The following LYPD6B variants were observed in gnomAD, a reference collection of about 807,000 sequenced individuals.
LYPD6B encodes the protein LY6/PLAUR domain containing 6B.
LYPD6B carries 17 observed loss-of-function variants against 22.8 expected under a neutral mutation model. That is an observed-to-expected ratio of 0.75 (90% CI 0.51 to 1.12). LYPD6B has a LOEUF of 1.12. Among genes scored for constraint, LYPD6B ranks in the 50% most tolerant of loss-of-function variants. LYPD6B has a pLI of 0.00. For missense variants in LYPD6B, 221 were observed against 258.3 expected (o/e 0.86, Z 0.99); for synonymous variants, 106 against 91.6 (o/e 1.16, Z -0.90).
chr2:149,086,497 C>G (rs1207436541), intron 1 of LYPD6B, among the ~76,000 whole-genome samples: 6 of 152,188 alleles, frequency 3.9e-5, no homozygotes, highest in Admixed American at 2.0e-4. Flanking sequence ...TGGTGCTACT[C>G]TCTCCTTCCT....
At chr2:149,084,110 A>AAAAT (rs1293927611) in intron 1 of LYPD6B, among the ~76,000 whole-genome samples, 1 of 151,972 alleles carries the variant, frequency 6.6e-6, no homozygotes, top group African/African-American at 2.4e-5. Context: ...AAAATAAAAT[A>AAAAT]AAATAAAATA....
chr2:149,159,225 C>G (rs1034752956), intron 2 of LYPD6B, among the ~76,000 whole-genome samples: 2 of 150,844 alleles, frequency 1.3e-5, no homozygotes, highest in Non-Finnish European at 2.9e-5. Flanking sequence ...ATAAAGGATC[C>G]TTTGAGGTAG....
intron 3 of LYPD6B, among the ~76,000 whole-genome samples, chr2:149,201,342 G>A (rs1693139035): frequency 6.6e-6 from 1 of 152,090 alleles, no homozygotes; most frequent in Non-Finnish European, 1.5e-5. Context: ...AACCTGAATG[G>A]CTTAATCTCA....
chr2:149,127,764 C>T (rs928287093), intron 1 of LYPD6B, among the ~76,000 whole-genome samples: 2 of 152,098 alleles, frequency 1.3e-5, no homozygotes, highest in Admixed American at 6.6e-5. Flanking sequence ...AAATGGATCT[C>T]TTATAGAATA....
At chr2:149,056,597 C>T (rs1683803815) in intron 1 of LYPD6B, among the ~76,000 whole-genome samples, 1 of 152,150 alleles carries the variant, frequency 6.6e-6, no homozygotes, top group Admixed American at 6.5e-5. Context: ...TGTTCTCTCT[C>T]ATCAGTAACT....
At chr2:149,075,049 C>T (rs902542665) in intron 1 of LYPD6B, among the ~76,000 whole-genome samples, 1 of 152,124 alleles carries the variant, frequency 6.6e-6, no homozygotes, top group Non-Finnish European at 1.5e-5. Context: ...TTAAGGACTT[C>T]GTATTTCATA....
chr2:149,117,924 G>A (rs1038701780), intron 1 of LYPD6B, among the ~76,000 whole-genome samples: 5 of 152,276 alleles, frequency 3.3e-5, no homozygotes, highest in South Asian at 4.1e-4. Context: ...TTGTAGTCAC[G>A]TCTAGGCTAG....
chr2:149,106,959 GATT>G (rs1259360996), intron 1 of LYPD6B, among the ~76,000 whole-genome samples: 1 of 151,754 alleles, frequency 6.6e-6, no homozygotes, highest in East Asian at 1.9e-4. Flanking sequence ...GCCCCCAGTG[GATT>G]CTTGAAACCA....
At chr2:149,103,523 A>G (rs1250625788) in intron 1 of LYPD6B, among the ~76,000 whole-genome samples, 1 of 152,134 alleles carries the variant, frequency 6.6e-6, no homozygotes, top group Non-Finnish European at 1.5e-5. Flanking sequence ...ACATATTTAA[A>G]GTGTACAGTT....
intron 1 of LYPD6B, among the ~76,000 whole-genome samples, chr2:149,076,445 A>G (rs911916939): frequency 1.3e-5 from 2 of 152,196 alleles, no homozygotes; most frequent in Non-Finnish European, 2.9e-5. Context: ...AACTCTAGAA[A>G]TCTATTTCCA....
At chr2:149,180,379 C>T (rs539493367) in intron 3 of LYPD6B, among the ~76,000 whole-genome samples, 3 of 152,104 alleles carry the variant, frequency 2.0e-5, no homozygotes, top group Non-Finnish European at 4.4e-5. Context: ...TTGGTAACTG[C>T]GAGAATTCCA....
At chr2:149,071,676 C>G (rs995474917) in intron 1 of LYPD6B, among the ~76,000 whole-genome samples, 1 of 152,166 alleles carries the variant, frequency 6.6e-6, no homozygotes, top group Non-Finnish European at 1.5e-5. Context: ...TGAATTAACT[C>G]ATTTAAATCC....
intron 3 of LYPD6B, among the ~76,000 whole-genome samples, chr2:149,196,497 C>T (rs559487710): frequency 2.0e-4 from 30 of 152,112 alleles, no homozygotes; most frequent in Non-Finnish European, 3.8e-4. Context: ...CAATGGTCAG[C>T]GACATGAAAC....
intron 3 of LYPD6B, among the ~76,000 whole-genome samples, chr2:149,165,987 A>G (rs1690396273): frequency 1.3e-5 from 2 of 152,160 alleles, no homozygotes; most frequent in Admixed American, 1.3e-4. Context: ...ATCCCATGGA[A>G]CACACAGTAA....
chr2:149,119,542 A>G (rs1687178543), intron 1 of LYPD6B, among the ~76,000 whole-genome samples: 1 of 152,228 alleles, frequency 6.6e-6, no homozygotes, highest in Admixed American at 6.5e-5. Context: ...CGATGAACTC[A>G]GTTGACGGTC....
rs1030339334 is a variant in LYPD6B at position 149,091,634 on chromosome 2, T to C, written c.-66-39249T>C. The stretch of plus-strand genomic sequence containing the variant: ...ATCATGATTGGCATTCTTTTTTTTT[T>C]TAAGTAGGTACAAATCTGCAAATCT... On this transcript the variant is annotated intron_variant, in intron 1 of 6. Coordinates refer to ENST00000409642, the MANE Select transcript of LYPD6B (RefSeq NM_177964.5). 6.0e-4 allele frequency among the ~76,000 whole-genome samples: 92 copies of C among 152,164 alleles called. 1 individual carries two copies. Among genetic ancestry groups the C allele is most frequent in the Non-Finnish European group, 2.2e-4 (15 of 68,020 alleles).
At chr2:149,171,411 C>T (rs1416870783) in intron 3 of LYPD6B, among the ~76,000 whole-genome samples, 1 of 151,914 alleles carries the variant, frequency 6.6e-6, no homozygotes, top group Non-Finnish European at 1.5e-5. Context: ...ATGTCTTTCT[C>T]TTCATTTCAT....
At chr2:149,205,534 A>T in intron 4 of LYPD6B, 130 bp downstream of exon 4, 1 of 1,007,482 alleles carries the variant, frequency 9.9e-7, no homozygotes, top group Non-Finnish European at 1.5e-6. Context: ...TAAAACAGAA[A>T]GTCTCCATTA....
chr2:149,189,342 T>TTTTATATATA (rs1553500263), intron 3 of LYPD6B, among the ~76,000 whole-genome samples: 13 of 66,100 alleles, frequency 2.0e-4, no homozygotes, highest in East Asian at 9.8e-4. Context: ...TTGTCCAAAA[T>TTTTATATATA]TATATATATA....
Sources: gnomAD v4.1 joint callset for allele counts (sites outside exome capture counted in the v4.1 genomes callset) on GRCh38, gnomAD v4.1.1 for gene constraint, MANE v1.5 for transcripts, NCBI Gene and HGNC (gene_info 2026-07-23, HGNC 2026-07-21) for gene names.